MAN2A1: variants seen among roughly 807,000 people sequenced by gnomAD.
MAN2A1 encodes mannosidase alpha class 2A member 1.
Under a neutral mutation model 142.6 loss-of-function variants are expected in MAN2A1, and 76 were observed. The ratio of observed to expected loss-of-function variants is 0.53; its 90% CI spans 0.44 to 0.65. MAN2A1 has a LOEUF of 0.65. Ranked by LOEUF, MAN2A1 falls within the 30% of genes least tolerant of loss-of-function variation. The pLI is 0.00. For synonymous variants in MAN2A1, 559 were observed against 473.2 expected (o/e 1.18, Z -2.35); for missense variants, 1,311 against 1,365.1 (o/e 0.96, Z 0.62).
chr5:109,779,970 T>C (rs1753407592), intron 8 of MAN2A1, among the ~76,000 whole-genome samples: 2 of 152,226 alleles, frequency 1.3e-5, no homozygotes, highest in Admixed American at 6.5e-5. Flanking sequence ...AGTATCATTG[T>C]TGTAAATGTT....
intron 16 of MAN2A1, among the ~76,000 whole-genome samples, chr5:109,839,129 G>GTCA (rs1271038018): frequency 6.6e-6 from 1 of 152,146 alleles, no homozygotes; most frequent in Non-Finnish European, 1.5e-5. Context: ...TTTACTTCTT[G>GTCA]TCATCAGCTA....
At chr5:109,756,218 C>G (rs1371564637) in intron 5 of MAN2A1, among the ~76,000 whole-genome samples, 2 of 151,976 alleles carry the variant, frequency 1.3e-5, no homozygotes, top group African/African-American at 4.8e-5. Flanking sequence ...TCCAGTTCAA[C>G]AGAATAATTC....
chr5:109,698,938 T>G (rs1000810551), intron 1 of MAN2A1, among the ~76,000 whole-genome samples: 2 of 152,202 alleles, frequency 1.3e-5, no homozygotes, highest in African/African-American at 4.8e-5. Context: ...TGTGGTTCCT[T>G]CTTTAAATAT....
In MAN2A1 at chr5:109,774,825, A is replaced by T. The variant is rs1446991622; in HGVS notation, c.1234A>T (p.Lys412Ter). Reference sequence around the variant, plus strand: ...ACTAGATCAGTACCGAAAGAAGTCAAAGCTTTTTCGTACCAAAGTTCTCCT... The same window carrying T: ...ACTAGATCAGTACCGAAAGAAGTCATAGCTTTTTCGTACCAAAGTTCTCCT... ...MLLDQYRKKS[K>*]LFRTKVLLAP... Residue 412 changes from lysine to a stop codon, truncating the protein, a stop_gained, in exon 8 of 22, where the codon AAG (lysine) becomes TAG (stop). Coordinates refer to ENST00000261483, the MANE Select transcript of MAN2A1 (RefSeq NM_002372.4). LOFTEE classifies it high-confidence loss of function. The T allele has an allele frequency of 6.2e-7, 1 of 1,612,898 alleles. No individual in the cohort carries two copies. Among genetic ancestry groups the T allele is most frequent in the African/African-American group, 1.3e-5 (1 of 74,746 alleles).
At chr5:109,785,494 C>T (rs1368905023) in intron 10 of MAN2A1, among the ~76,000 whole-genome samples, 1 of 151,886 alleles carries the variant, frequency 6.6e-6, no homozygotes, top group Admixed American at 6.6e-5. Flanking sequence ...GTATCAAAGC[C>T]ATCTTTAACT....
intron 4 of MAN2A1, among the ~76,000 whole-genome samples, chr5:109,744,752 A>G (rs1427746726): frequency 2.0e-5 from 3 of 152,068 alleles, no homozygotes; most frequent in Admixed American, 6.6e-5. Context: ...TGGGGGCTCC[A>G]CTCCTAGCAA....
At chr5:109,823,361 T>C (rs1215460624) in intron 15 of MAN2A1, among the ~76,000 whole-genome samples, 3 of 152,168 alleles carry the variant, frequency 2.0e-5, no homozygotes, top group Non-Finnish European at 4.4e-5. Context: ...GCTGGGACCA[T>C]GGTTATAATA....
intron 16 of MAN2A1, chr5:109,840,234 C>T (rs1232737928): frequency 1.5e-5 from 4 of 260,776 alleles, no homozygotes; most frequent in Non-Finnish European, 2.2e-5. Context: ...TCTATAGGTC[C>T]TTGCAGTCCT....
At chr5:109,763,501 A>G (rs1752908134) in intron 5 of MAN2A1, among the ~76,000 whole-genome samples, 1 of 149,790 alleles carries the variant, frequency 6.7e-6, no homozygotes, top group Non-Finnish European at 1.5e-5. Context: ...TTTATTTTTA[A>G]GTTTTTTTTA....
chr5:109,760,257 T>C (rs1035566212), intron 5 of MAN2A1, among the ~76,000 whole-genome samples: 1 of 152,168 alleles, frequency 6.6e-6, no homozygotes, highest in African/African-American at 2.4e-5. Flanking sequence ...GTTCCTGTGT[T>C]AGTTTGCTGA....
At chr5:109,779,262 T>A (rs1753380921) in intron 8 of MAN2A1, among the ~76,000 whole-genome samples, 1 of 152,190 alleles carries the variant, frequency 6.6e-6, no homozygotes. Context: ...ATTTTTATCT[T>A]GGCTCATACC....
intron 16 of MAN2A1, among the ~76,000 whole-genome samples, chr5:109,836,039 A>G (rs1274991726): frequency 6.6e-6 from 1 of 151,944 alleles, no homozygotes; most frequent in African/African-American, 2.4e-5. Context: ...CTTTTACCTC[A>G]TATTTCAGGC....
intron 1 of MAN2A1, among the ~76,000 whole-genome samples, chr5:109,709,201 C>CA (rs1367137063): frequency 2.0e-5 from 3 of 152,270 alleles, no homozygotes; most frequent in East Asian, 3.9e-4. Context: ...ATGTATATAG[C>CA]ATATAATAAA....
intron 4 of MAN2A1, among the ~76,000 whole-genome samples, chr5:109,735,355 G>T (rs1282573870): frequency 1.3e-5 from 2 of 152,174 alleles, no homozygotes; most frequent in African/African-American, 4.8e-5. Flanking sequence ...TTTAATTGGA[G>T]CATTTAGTCT....
At position 109,820,312 on chromosome 5, in the gene MAN2A1, C is replaced by G; in HGVS notation, c.2421C>G (p.Ala807=). 2 of 1,613,122 alleles carry G rather than the reference C, an allele frequency of 1.2e-6. No homozygotes were observed. The highest frequency in any genetic ancestry group is 1.7e-6 in the Non-Finnish European group (2 of 1,179,414). The change falls in exon 15 of 22, where the codon GCC becomes GCG. Residue 807 remains alanine, a synonymous_variant. Coordinates refer to ENST00000261483, the MANE Select transcript of MAN2A1 (RefSeq NM_002372.4). ...CAATTAAAAGAGACAAAAGTGGTGCCTACCTCTTCTTACCTGATGGTAATG... is the reference window on the plus strand; with the variant it reads ...CAATTAAAAGAGACAAAAGTGGTGCGTACCTCTTCTTACCTGATGGTAATG... ...GTTIKRDKSG[A]YLFLPDGNAK... is the part of the protein sequence containing the mutation.
intron 12 of MAN2A1, among the ~76,000 whole-genome samples, chr5:109,804,940 T>C (rs182912312): frequency 1.7e-3 from 263 of 152,320 alleles, no homozygotes; most frequent in African/African-American, 6.1e-3. Context: ...CTTCCAAAGT[T>C]ACAGAGTTAT....
intron 12 of MAN2A1, among the ~76,000 whole-genome samples, chr5:109,802,465 A>G (rs191777349): frequency 3.4e-4 from 52 of 152,142 alleles, no homozygotes; most frequent in Non-Finnish European, 5.0e-4. Flanking sequence ...TAGAGATTGT[A>G]GTTCTGTAGA....
chr5:109,747,069 C>T (rs996058253), intron 4 of MAN2A1, among the ~76,000 whole-genome samples: 4 of 152,154 alleles, frequency 2.6e-5, no homozygotes, highest in African/African-American at 9.7e-5. Flanking sequence ...CTTTGATGGA[C>T]ATTTGGGTGG....
chr5:109,767,745 C>T (rs558409896), intron 6 of MAN2A1, 37 bp downstream of exon 6: 2 of 1,567,042 alleles, frequency 1.3e-6, no homozygotes, highest in South Asian at 2.3e-5. Flanking sequence ...CCCATTTGGC[C>T]TAGATACTAT....
Sources: allele counts gnomAD v4.1 joint callset (sites outside exome capture counted in the v4.1 genomes callset), GRCh38; gene constraint gnomAD v4.1.1; transcripts MANE v1.5; gene names NCBI Gene and HGNC (gene_info 2026-07-23, HGNC 2026-07-21).